Variants in SLCO1C1 observed in about 807,000 individuals in gnomAD.
The protein encoded by SLCO1C1 is solute carrier organic anion transporter family member 1C1.
Under a neutral mutation model 76.4 loss-of-function variants are expected in SLCO1C1, and 70 were observed. That is an observed-to-expected ratio of 0.92 (90% CI 0.76 to 1.12). The LOEUF is 1.12. SLCO1C1 is among the 50% of genes most tolerant of loss of function. The probability of loss-of-function intolerance (pLI) is 0.00; values close to 1 mark genes in which losing one functional copy is unlikely to be tolerated. For missense variants in SLCO1C1, 912 were observed against 823.8 expected (o/e 1.11, Z -1.31); for synonymous variants, 306 against 286.1 (o/e 1.07, Z -0.70).
intron 7 of SLCO1C1, among the ~76,000 whole-genome samples, chr12:20,717,805 T>G (rs1011960108): frequency 6.6e-6 from 1 of 151,726 alleles, no homozygotes; most frequent in Non-Finnish European, 1.5e-5. Context: ...GGGACACTGA[T>G]TTTTCCATAG....
intron 5 of SLCO1C1, among the ~76,000 whole-genome samples, chr12:20,713,110 C>T (rs987642727): frequency 7.0e-5 from 10 of 142,768 alleles, no homozygotes; most frequent in African/African-American, 7.8e-5. Context: ...GACGGAGTCT[C>T]GCTCTGTCGC....
At chr12:20,734,579 TA>T in intron 10 of SLCO1C1, among the ~76,000 whole-genome samples, 1 of 152,292 alleles carries the variant, frequency 6.6e-6, no homozygotes, top group South Asian at 2.1e-4. Context: ...TATCCTTGTT[TA>T]AAAGAAACTG....
At chr12:20,730,816 G>C (rs1164885780) in intron 9 of SLCO1C1, among the ~76,000 whole-genome samples, 1 of 151,998 alleles carries the variant, frequency 6.6e-6, no homozygotes, top group Non-Finnish European at 1.5e-5. Flanking sequence ...AATATTTTGC[G>C]GGGGTCTGTC....
At chr12:20,722,321 G>T (rs778875553) in intron 8 of SLCO1C1, among the ~76,000 whole-genome samples, 1 of 152,178 alleles carries the variant, frequency 6.6e-6, no homozygotes, top group African/African-American at 2.4e-5. Context: ...CAGGATTGCT[G>T]CTTCCTGTAA....
chr12:20,707,246 A>G (rs1217004804), intron 4 of SLCO1C1, among the ~76,000 whole-genome samples: 1 of 152,064 alleles, frequency 6.6e-6, no homozygotes, highest in Non-Finnish European at 1.5e-5. Context: ...GAGATTCTAC[A>G]AAAATGTTAT....
intron 7 of SLCO1C1, among the ~76,000 whole-genome samples, chr12:20,718,912 T>C (rs1947515030): frequency 6.6e-6 from 1 of 152,114 alleles, no homozygotes; most frequent in African/African-American, 2.4e-5. Flanking sequence ...ACAGAGAAAA[T>C]ACAGACATAG....
intron 3 of SLCO1C1, among the ~76,000 whole-genome samples, chr12:20,703,627 T>C (rs1282769803): frequency 1.3e-5 from 2 of 151,880 alleles, no homozygotes; most frequent in Non-Finnish European, 2.9e-5. Context: ...GTTAATTTTA[T>C]TTAGTACTTT....
chr12:20,733,156 A>G (rs1240071369), intron 10 of SLCO1C1, 52 bp downstream of exon 10: 12 of 1,452,148 alleles, frequency 8.3e-6, no homozygotes, highest in Non-Finnish European at 9.1e-6. Flanking sequence ...TAATTAAATC[A>G]ATTATTGGTG....
intron 4 of SLCO1C1, among the ~76,000 whole-genome samples, chr12:20,707,060 TC>T (rs1946815318): frequency 1.3e-5 from 2 of 151,954 alleles, no homozygotes; most frequent in African/African-American, 4.8e-5. Context: ...ATTTTTGACC[TC>T]CCTGGCCAAT....
In SLCO1C1 at chr12:20,723,255, G is replaced by A. The variant is rs1306522821; in HGVS notation, c.1186+1G>A. ...TCCTCCAGGGCCAACTTTGTGATCGGTATGCTCATCTGCCTTTCATGCTTT... is the reference window on the plus strand; with the variant it reads ...TCCTCCAGGGCCAACTTTGTGATCGATATGCTCATCTGCCTTTCATGCTTT... On this transcript the variant is annotated splice_donor_variant, in intron 9 of 14. Transcript: ENST00000266509. LOFTEE classifies it high-confidence loss of function. 1 of 1,613,156 alleles carries A rather than the reference G, an allele frequency of 6.2e-7. No individual in the cohort carries two copies. Among genetic ancestry groups the A allele is most frequent in the Non-Finnish European group, 8.5e-7 (1 of 1,179,726 alleles).
At chr12:20,706,491 T>A (rs1485905657) in intron 4 of SLCO1C1, among the ~76,000 whole-genome samples, 1 of 152,148 alleles carries the variant, frequency 6.6e-6, no homozygotes, top group Non-Finnish European at 1.5e-5. Flanking sequence ...TATTATCAAC[T>A]CAAACAAGTA....
chr12:20,701,490 T>A, intron 3 of SLCO1C1, 31 bp downstream of exon 3: 1 of 1,429,612 alleles, frequency 7.0e-7, no homozygotes, highest in Admixed American at 2.0e-5. Flanking sequence ...ACTTTAATTT[T>A]AAGCCCAAGA....
chr12:20,703,544 G>C (rs2120621737), intron 3 of SLCO1C1, among the ~76,000 whole-genome samples: 1 of 151,846 alleles, frequency 6.6e-6, no homozygotes, highest in South Asian at 2.1e-4. Flanking sequence ...CAATATGCTT[G>C]CTTTGTGGTT....
rs749344842 is a variant in SLCO1C1 at position 20,732,971 on chromosome 12, T to C, written c.1249T>C (p.Phe417Leu). 4 of 1,614,020 alleles carry C rather than the reference T, an allele frequency of 2.5e-6. No homozygotes were observed. The highest frequency in any genetic ancestry group is 2.2e-5 in the East Asian group (1 of 44,858). ...CTCTGGGGGGATAGTTATGAAAAAA[T>C]TCAGAATCAGTGTGTGTGGAGCTGC... ...IFSGGIVMKKFRISVCGAAKL... is the reference protein window; with the variant it reads ...IFSGGIVMKKLRISVCGAAKL... Residue 417 changes from phenylalanine (F) to leucine (L), a missense_variant, in exon 10 of 15, where the codon TTC becomes CTC. Coordinates refer to ENST00000266509, the MANE Select transcript of SLCO1C1 (RefSeq NM_017435.5).
In SLCO1C1 at chr12:20,723,105, T is replaced by C; in HGVS notation, c.1037T>C (p.Leu346Pro). ...TGTTTTACAGATTTTCTTCCATCAC[T>C]GAAGAATCTTTTTGGAAACCCAGTA... ...MEMARDFLPS[L>P]KNLFGNPVYF... The change falls in exon 9 of 15, where the codon CTG (leucine) becomes CCG (proline). Residue 346 changes from leucine to proline, a missense_variant. By Grantham distance (98) the Leu-to-Pro change is moderately conservative. Transcript: ENST00000266509. 1 of 1,603,476 alleles carries C rather than the reference T, an allele frequency of 6.2e-7. No homozygotes were observed. The highest frequency in any genetic ancestry group is 8.5e-7 in the Non-Finnish European group (1 of 1,176,966).
intron 9 of SLCO1C1, among the ~76,000 whole-genome samples, chr12:20,724,994 CATT>C (rs1447101861): frequency 1.4e-5 from 2 of 140,222 alleles, no homozygotes; most frequent in Non-Finnish European, 3.1e-5. Context: ...TAAATAATTA[CATT>C]ATAAAACATA....
At chr12:20,703,955 C>CTGTGTGTGTGTGTGTGTG (rs146325219) in intron 3 of SLCO1C1, among the ~76,000 whole-genome samples, 33 of 140,372 alleles carry the variant, frequency 2.4e-4, no homozygotes, top group African/African-American at 8.6e-4. Flanking sequence ...TCGAGTGTGT[C>CTGTGTGTGTGTGTGTGTG]TGTGTGTGTG....
At chr12:20,731,191 T>C (rs562750469) in intron 9 of SLCO1C1, among the ~76,000 whole-genome samples, 3 of 152,228 alleles carry the variant, frequency 2.0e-5, no homozygotes, top group Non-Finnish European at 4.4e-5. Flanking sequence ...TCAGCCAAAC[T>C]ATCTGAAGTT....
At chr12:20,724,251 A>AT (rs1432003049) in intron 9 of SLCO1C1, among the ~76,000 whole-genome samples, 1 of 151,416 alleles carries the variant, frequency 6.6e-6, no homozygotes, top group Non-Finnish European at 1.5e-5. Context: ...CTTTATATTG[A>AT]TTTTAACATG....
Sources: allele counts gnomAD v4.1 joint callset (sites outside exome capture counted in the v4.1 genomes callset), GRCh38; gene constraint gnomAD v4.1.1; transcripts MANE v1.5; gene names NCBI Gene and HGNC (gene_info 2026-07-23, HGNC 2026-07-21).